Variants in SLC24A2 observed in about 807,000 individuals in gnomAD.
The protein encoded by SLC24A2 is sodium/potassium/calcium exchanger 2.
SLC24A2 carries 36 observed loss-of-function variants against 62.0 expected under a neutral mutation model. That is an observed-to-expected ratio of 0.58 (90% CI 0.44 to 0.77). The LOEUF (loss-of-function observed/expected upper bound fraction) is 0.77. Among genes scored for constraint, SLC24A2 ranks in the 30% least tolerant of loss-of-function variants. The pLI, the probability that SLC24A2 is intolerant of heterozygous loss-of-function variation, is 0.00. For synonymous variants in SLC24A2, 358 were observed against 294.0 expected, an observed-to-expected ratio of 1.22 and a Z score of -2.23; for missense variants, 846 against 817.9, an observed-to-expected ratio of 1.03 and a Z score of -0.42.
intron 2 of SLC24A2, among the ~76,000 whole-genome samples, chr9:19,700,867 A>T (rs1268072982): frequency 1.3e-5 from 2 of 152,104 alleles, no homozygotes; most frequent in Non-Finnish European, 2.9e-5. Flanking sequence ...TCACTTCCTC[A>T]TGGTGTTACT....
the SLC24A2 span, among the ~76,000 whole-genome samples, chr9:20,096,068 T>TATCC: frequency 0.027 from 4,115 of 149,832 alleles, 71 homozygotes; most frequent in African/African-American, 0.041. Context: ...ACCATATCTG[T>TATCC]ATCCATCCAT....
the SLC24A2 span, among the ~76,000 whole-genome samples, chr9:19,994,094 C>T: frequency 6.6e-6 from 1 of 152,146 alleles, no homozygotes. Flanking sequence ...TGGTGATCTG[C>T]CTGGCTCCAG....
At chr9:20,283,301 T>C in the SLC24A2 span, among the ~76,000 whole-genome samples, 2 of 152,232 alleles carry the variant, frequency 1.3e-5, no homozygotes, top group Admixed American at 6.5e-5. Flanking sequence ...CTTATGTGCA[T>C]AGGAAACAGG....
the SLC24A2 span, among the ~76,000 whole-genome samples, chr9:19,977,233 C>A: frequency 6.6e-6 from 1 of 151,762 alleles, no homozygotes; most frequent in Non-Finnish European, 1.5e-5. Context: ...CATGTTAGCT[C>A]CTTGTACTGC....
chr9:20,226,981 G>C, the SLC24A2 span, among the ~76,000 whole-genome samples: 6 of 152,296 alleles, frequency 3.9e-5, no homozygotes, highest in South Asian at 1.2e-3. Flanking sequence ...AACTTGAATA[G>C]CTGTCTTCCT....
chr9:19,556,564 G>A (rs868720510), intron 7 of SLC24A2, among the ~76,000 whole-genome samples: 5 of 152,058 alleles, frequency 3.3e-5, no homozygotes, highest in East Asian at 1.9e-4. Flanking sequence ...GAGCAATCTC[G>A]GAGGATCACC....
At chr9:19,801,740 G>C in the SLC24A2 span, among the ~76,000 whole-genome samples, 121 of 152,298 alleles carry the variant, frequency 7.9e-4, 1 homozygote, top group Non-Finnish European at 1.5e-3. Flanking sequence ...TGTGTTTAAA[G>C]GTGGAAGTGG....
intron 2 of SLC24A2, among the ~76,000 whole-genome samples, chr9:19,646,410 C>T (rs1818639778): frequency 6.6e-6 from 1 of 152,166 alleles, no homozygotes; most frequent in Non-Finnish European, 1.5e-5. Context: ...AGGGGGCTGT[C>T]ACTTCAGGGC....
chr9:20,065,148 TC>T, the SLC24A2 span, among the ~76,000 whole-genome samples: 2 of 152,180 alleles, frequency 1.3e-5, no homozygotes, highest in East Asian at 3.8e-4. Context: ...ATTTCATAGC[TC>T]TGGGGAAAAC....
chr9:19,859,453 G>A, the SLC24A2 span, among the ~76,000 whole-genome samples: 2 of 152,028 alleles, frequency 1.3e-5, no homozygotes, highest in Admixed American at 1.3e-4. Context: ...AAGACATGCA[G>A]TTTACCTATG....
At chr9:19,938,742 G>A in the SLC24A2 span, among the ~76,000 whole-genome samples, 5 of 152,084 alleles carry the variant, frequency 3.3e-5, no homozygotes, top group Non-Finnish European at 7.4e-5. Flanking sequence ...TGACTGAGAT[G>A]TTTTATTGCT....
chr9:20,038,340 G>C, the SLC24A2 span, among the ~76,000 whole-genome samples: 1 of 152,162 alleles, frequency 6.6e-6, no homozygotes, highest in African/African-American at 2.4e-5. Flanking sequence ...TATTGCCCTT[G>C]TCATTGTTTC....
Position 19,514,094 on chromosome 9 carries a change from G to A in SLC24A2, c.*2059C>T, listed in dbSNP as rs1231998976. Reference sequence around the variant, plus strand: ...GCCATCTTGATTTCTTGTTTTCCCAGGGGGCCTCGGGTTTGAAGTGCTTTT... The same window carrying A: ...GCCATCTTGATTTCTTGTTTTCCCAAGGGGCCTCGGGTTTGAAGTGCTTTT... On this transcript the variant is annotated 3_prime_UTR_variant, in exon 11 of 11. Coordinates refer to ENST00000341998, the MANE Select transcript of SLC24A2 (RefSeq NM_020344.4). 5.3e-5 allele frequency: 8 copies of A among 152,184 alleles called. No homozygotes were observed. Among genetic ancestry groups the A allele is most frequent in the Admixed American group, 5.2e-4 (8 of 15,278 alleles). The allele number at this position is 152,184 out of a possible 1,614,324, so 9.4% of individuals were successfully genotyped here.
In SLC24A2 at chr9:19,788,957, C is replaced by A; in HGVS notation, c.-226G>T. 1 of 985,000 alleles carries A rather than the reference C, an allele frequency of 1.0e-6. No individual in the cohort carries two copies. The highest frequency in any genetic ancestry group is 1.2e-6 in the Non-Finnish European group (1 of 829,554). The allele number at this position is 985,000 out of a possible 1,614,324, so 61.0% of individuals were successfully genotyped here. ...CCCGCCGCTCCAGTCCGCCGGCCCT[C>A]CGCCTACCCGCTCTGAGGCCCGGGC... On this transcript the variant is annotated 5_prime_UTR_variant, in exon 1 of 11. Transcript: ENST00000341998.
At chr9:19,732,742 G>C (rs1319836287) in intron 2 of SLC24A2, among the ~76,000 whole-genome samples, 2 of 152,128 alleles carry the variant, frequency 1.3e-5, no homozygotes, top group Non-Finnish European at 2.9e-5. Context: ...GCCTGTCTCA[G>C]GGCAGACCAT....
At chr9:19,597,760 C>T (rs1303590041) in intron 4 of SLC24A2, among the ~76,000 whole-genome samples, 1 of 152,166 alleles carries the variant, frequency 6.6e-6, no homozygotes, top group Non-Finnish European at 1.5e-5. Flanking sequence ...AAAAGGAAGC[C>T]TACCTAGGAA....
At chr9:19,564,653 A>G (rs1476057354) in intron 7 of SLC24A2, among the ~76,000 whole-genome samples, 1 of 152,126 alleles carries the variant, frequency 6.6e-6, no homozygotes, top group African/African-American at 2.4e-5. Context: ...GACAATTCTG[A>G]TTTCCCTAAG....
intron 2 of SLC24A2, among the ~76,000 whole-genome samples, chr9:19,642,738 T>C (rs1371473245): frequency 1.5e-5 from 2 of 132,230 alleles, no homozygotes; most frequent in Admixed American, 1.8e-4. Flanking sequence ...TGGACTGCAG[T>C]GGCACTATCT....
At chr9:19,734,158 C>A (rs1341121479) in intron 2 of SLC24A2, among the ~76,000 whole-genome samples, 1 of 152,148 alleles carries the variant, frequency 6.6e-6, no homozygotes, top group Non-Finnish European at 1.5e-5. Context: ...TTCCCCATTG[C>A]TTGTTTTTGT....
Sources: gnomAD v4.1 joint callset for allele counts (sites outside exome capture counted in the v4.1 genomes callset) on GRCh38, gnomAD v4.1.1 for gene constraint, MANE v1.5 for transcripts, NCBI Gene and HGNC (gene_info 2026-07-23, HGNC 2026-07-21) for gene names.